TMEM259: variants seen among roughly 807,000 people sequenced by gnomAD.
TMEM259 encodes transmembrane protein 259, also known as membralin.
In TMEM259, 26 loss-of-function variants were observed where a neutral mutation model predicts 46.7. The ratio of observed to expected loss-of-function variants is 0.56; its 90% CI spans 0.41 to 0.77. The LOEUF is 0.77. Among genes scored for constraint, TMEM259 ranks in the 30% least tolerant of loss-of-function variants. The pLI is 0.00. For synonymous variants in TMEM259, 494 were observed against 395.1 expected (o/e 1.25, Z -2.97); for missense variants, 930 against 900.5 (o/e 1.03, Z -0.42).
rs1483004447 is a variant in TMEM259, at chr19:1,019,842, G to C, written c.225+930C>G. On this transcript the variant is annotated intron_variant, in intron 1 of 10. Transcript: ENST00000356663. ...ACGAAAACGGCCACGTCCCCATTTC[G>C]CCAGGTGGCCCAGGACCCCGGCCAG... Among the ~76,000 whole-genome samples the C allele has an allele frequency of 3.9e-5, 6 of 152,154 alleles. 1 individual carries two copies. Among genetic ancestry groups the C allele is most frequent in the Non-Finnish European group, 8.8e-5 (6 of 68,024 alleles).
At chr19:1,017,313 T>TG in intron 1 of TMEM259, 1 of 399,544 alleles carries the variant, frequency 2.5e-6, no homozygotes, top group Non-Finnish European at 4.4e-6. Flanking sequence ...GGCCACCCTC[T>TG]GCCCGCAACC....
rs1459554997 is a variant in TMEM259 at position 1,010,910 on chromosome 19, G to A, written c.1318-15C>T. 4.4e-6 allele frequency: 7 copies of A among 1,582,092 alleles called. No homozygotes were observed. The highest frequency in any genetic ancestry group is 1.1e-5 in the South Asian group (1 of 89,320). On this transcript the variant is annotated splice_polypyrimidine_tract_variant and intron_variant, in intron 10 of 10. Transcript: ENST00000356663. ...ATCATGGAATGCTGCGGGAGGGAGA[G>A]TGGGAGTCAGGACGGGCCCGCCCCT...
In TMEM259 at chr19:1,011,163, G is replaced by C. The variant is rs1172545010; in HGVS notation, c.1250C>G (p.Ala417Gly). 6.2e-7 allele frequency: 1 copy of C among 1,604,076 alleles called. No homozygotes were observed. Among genetic ancestry groups the C allele is most frequent in the Non-Finnish European group, 8.5e-7 (1 of 1,175,064 alleles). Residue 417 changes from alanine (A) to glycine (G), a missense_variant, in exon 10 of 11, where the codon GCC (alanine) becomes GGC (glycine). By Grantham distance (60) the Ala-to-Gly change is moderately conservative. Coordinates refer to ENST00000356663, the MANE Select transcript of TMEM259 (RefSeq NM_001033026.2). The stretch of plus-strand genomic sequence containing the variant: ...CTGCCCATTGAAGCGGTAGTGATAG[G>C]CATAGAAGGCGAAGTGGTAGAGATA... ...FFYLYHFAFY[A>G]YHYRFNGQYS... is the part of the protein sequence containing the mutation.
Position 1,010,153 on chromosome 19 carries a change from G to A in TMEM259, c.*197C>T. The A allele has an allele frequency of 1.8e-6, 1 of 549,662 alleles. No individual in the cohort carries two copies. Among genetic ancestry groups the A allele is most frequent in the Non-Finnish European group, 3.1e-6 (1 of 322,484 alleles). 34.0% of individuals were successfully genotyped at this position (549,662 alleles called of 1,614,324 possible). ...GCTGACCAGCTCAAACACCTCACTA[G>A]CGGGTACAAGCCTCGGGCGCGACCT... is the stretch of plus-strand genomic sequence containing the variant. On this transcript the variant is annotated 3_prime_UTR_variant, in exon 11 of 11. Coordinates refer to ENST00000356663, the MANE Select transcript of TMEM259 (RefSeq NM_001033026.2).
chr19:1,010,806 T>G lies in TMEM259; in HGVS notation c.1407A>C (p.Pro469=), dbSNP rs767216885. Residue 469 remains proline (P), a synonymous_variant, in exon 11 of 11, where the codon CCA becomes CCC. Coordinates refer to ENST00000356663, the MANE Select transcript of TMEM259 (RefSeq NM_001033026.2). ...RIQEMLLQAP[P]LGPGTPTALP... ...GCGCCGTGGGGGTCCCGGGGCCCAGTGGCGGCGCCTGAAGCAGCATCTCCT... is the reference window on the plus strand; with the variant it reads ...GCGCCGTGGGGGTCCCGGGGCCCAGGGGCGGCGCCTGAAGCAGCATCTCCT... The G allele has an allele frequency of 1.9e-6, 3 of 1,576,404 alleles. No individual in the cohort carries two copies. Among genetic ancestry groups the G allele is most frequent in the South Asian group, 1.1e-5 (1 of 88,310 alleles).
In TMEM259 at chr19:1,020,889, G is replaced by C. The variant is rs1224232208; in HGVS notation, c.108C>G (p.Pro36=). The C allele has an allele frequency of 1.5e-6, 2 of 1,316,162 alleles. No individual in the cohort carries two copies. The highest frequency in any genetic ancestry group is 3.1e-5 in the African/African-American group (2 of 65,424). The allele number at this position is 1,316,162 out of a possible 1,614,324, so 81.5% of individuals were successfully genotyped here. A position where few individuals can be genotyped will look rare whatever the true frequency, so the allele number is the denominator to read the frequency against. Residue 36 remains proline (P), a synonymous_variant, in exon 1 of 11, where the codon CCC becomes CCG. Coordinates refer to ENST00000356663, the MANE Select transcript of TMEM259 (RefSeq NM_001033026.2). The surrounding 1 kb of genome is among the most constrained non-coding windows in gnomAD (Gnocchi z 4.0). ...AGAGCCGGTCGCGCACGTTGATGAGGGGGTTGGGGTTGAGATTGGGGGTGC... is the reference window on the plus strand; with the variant it reads ...AGAGCCGGTCGCGCACGTTGATGAGCGGGTTGGGGTTGAGATTGGGGGTGC... ...GPRTPNLNPN[P]LINVRDRLFH... is the part of the protein sequence containing the mutation.
chr19:1,013,251 C>A lies in TMEM259; in HGVS notation c.597G>T (p.Thr199=), dbSNP rs767816573. The change falls in exon 3 of 11, where the codon ACG becomes ACT. Residue 199 remains threonine (T), a synonymous_variant. Transcript: ENST00000356663. ...TGGTGGGTGGCCTACCTTTGGTGGGCGTCTCGGGGAAGGGGAACTCCTGGC... is the reference window on the plus strand; with the variant it reads ...TGGTGGGTGGCCTACCTTTGGTGGGAGTCTCGGGGAAGGGGAACTCCTGGC... ...NDSQEFPFPE[T]PTKVWPQDEY... 3.7e-6 allele frequency: 6 copies of A among 1,613,634 alleles called. No individual in the cohort carries two copies. Among genetic ancestry groups the A allele is most frequent in the Non-Finnish European group, 5.1e-6 (6 of 1,179,670 alleles).
Position 1,020,665 on chromosome 19 carries a change from T to A in TMEM259, c.225+107A>T. 1 of 768,862 alleles carries A rather than the reference T, an allele frequency of 1.3e-6. No homozygotes were observed. Among genetic ancestry groups the A allele is most frequent in the Non-Finnish European group, 1.8e-6 (1 of 557,550 alleles). 47.6% of individuals were successfully genotyped at this position (768,862 alleles called of 1,614,324 possible). A position where few individuals can be genotyped will look rare whatever the true frequency, so the allele number is the denominator to read the frequency against. Reference sequence around the variant, plus strand: ...CGGGTATAGGCCTCAGGGTGCAGGGTGGCGCTCGCTGTCCCCAGCGGGGCC... The same window carrying A: ...CGGGTATAGGCCTCAGGGTGCAGGGAGGCGCTCGCTGTCCCCAGCGGGGCC... On this transcript the variant is annotated intron_variant, in intron 1 of 10. Coordinates refer to ENST00000356663, the MANE Select transcript of TMEM259 (RefSeq NM_001033026.2). This position sits in a 1 kb window ranked among gnomAD's most constrained non-coding sequence, Gnocchi z 4.0.
rs1276180874 is a variant in TMEM259 at position 1,010,402 on chromosome 19, G to A, written c.1811C>T (p.Pro604Leu). The stretch of plus-strand genomic sequence containing the variant: ...CGTTGGGGCCATGGAGGCCGGGCTA[G>A]GCCCGCCTACCGCAGCCCCCAGGGG... ...TTPLGAAVGG[P>L]SPASMAPTEA... Residue 604 changes from proline to leucine, a missense_variant, in exon 11 of 11, where the codon CCT becomes CTT. Pro to Leu is a moderately conservative substitution (Grantham distance 98). Coordinates refer to ENST00000356663, the MANE Select transcript of TMEM259 (RefSeq NM_001033026.2). The A allele has an allele frequency of 2.6e-6, 4 of 1,518,482 alleles. No individual in the cohort carries two copies. In the South Asian group the frequency reaches 5.1e-5, roughly 19 times the overall value. 94.1% of individuals were successfully genotyped at this position (1,518,482 alleles called of 1,614,324 possible).
chr19:1,019,728 C>T (rs1395370936), intron 1 of TMEM259, among the ~76,000 whole-genome samples: 1 of 152,214 alleles, frequency 6.6e-6, no homozygotes, highest in African/African-American at 2.4e-5. Context: ...CCGCCAGCAT[C>T]GGACCCCTCT....
Position 1,012,527 on chromosome 19 carries a change from G to C in TMEM259, c.654C>G (p.Gly218=). 6.2e-7 allele frequency: 1 copy of C among 1,601,200 alleles called. No individual in the cohort carries two copies. Residue 218 remains glycine (G), a synonymous_variant, in exon 4 of 11, where the codon GGC becomes GGG. Coordinates refer to ENST00000356663, the MANE Select transcript of TMEM259 (RefSeq NM_001033026.2). ...GGGTGGCCTGCGACAGGCGAAGGAA[G>C]CCATACTCTAGTGAGTACTCCACGA... The part of the protein sequence containing the change: ...EYIVEYSLEY[G]FLRLSQATRQ...
Position 1,020,212 on chromosome 19 carries a change from C to CGGGGTCGGG in TMEM259, c.225+559_225+560insCCCGACCCC, listed in dbSNP as rs72436720. Among the ~76,000 whole-genome samples, 4 of 151,264 alleles carry CGGGGTCGGG rather than the reference C, an allele frequency of 2.6e-5. No individual in the cohort carries two copies. The highest frequency in any genetic ancestry group is 9.7e-5 in the African/African-American group (4 of 41,052). Reference sequence around the variant, plus strand: ...TCCCCTGAGGCTCAGGAGCGGGGAACGCAGCTGAAAGGCTACAAGGAGGGA... The same window carrying CGGGGTCGGG: ...TCCCCTGAGGCTCAGGAGCGGGGAACGGGGTCGGGGCAGCTGAAAGGCTACAAGGAGGGA... On this transcript the variant is annotated intron_variant, in intron 1 of 10. Transcript: ENST00000356663. The surrounding 1 kb of genome is among the most constrained non-coding windows in gnomAD (Gnocchi z 4.0).
chr19:1,016,329 C>T (rs1320531783), intron 1 of TMEM259, among the ~76,000 whole-genome samples: 1 of 152,234 alleles, frequency 6.6e-6, no homozygotes, highest in Non-Finnish European at 1.5e-5. Flanking sequence ...AGCGTTTCCC[C>T]ATATGGCATC....
intron 1 of TMEM259, chr19:1,017,350 T>G (rs879802621): frequency 7.5e-6 from 3 of 399,208 alleles, no homozygotes; most frequent in Non-Finnish European, 1.3e-5. Context: ...ATGCCCTGGG[T>G]GGTCCAGTCC....
chr19:1,012,041 C>A, intron 5 of TMEM259, 25 bp downstream of exon 5: 3 of 1,611,988 alleles, frequency 1.9e-6, no homozygotes, highest in Non-Finnish European at 2.5e-6. Context: ...CGCCCTCGCA[C>A]CCTCGGCCCC....
chr19:1,019,064 G>A (rs2039201647), intron 1 of TMEM259, among the ~76,000 whole-genome samples: 1 of 152,004 alleles, frequency 6.6e-6, no homozygotes, highest in African/African-American at 2.4e-5. Flanking sequence ...AGGGATTGGG[G>A]TTACTGAGAA....
Position 1,010,244 on chromosome 19 carries a change from G to A in TMEM259, c.*106C>T, listed in dbSNP as rs534322397. The A allele has an allele frequency of 1.4e-5, 15 of 1,110,624 alleles. No homozygotes were observed. Among genetic ancestry groups the A allele is most frequent in the Non-Finnish European group, 1.7e-5 (14 of 826,782 alleles). The allele number at this position is 1,110,624 out of a possible 1,614,324, so 68.8% of individuals were successfully genotyped here. On this transcript the variant is annotated 3_prime_UTR_variant, in exon 11 of 11. Transcript: ENST00000356663. ...CGAAACCCTGAAAGCCCCCGACACA[G>A]GCTGGGCAGTCCCAGAGGAAGGAGG...
chr19:1,017,896 G>T (rs2039163018), intron 1 of TMEM259, among the ~76,000 whole-genome samples: 1 of 152,160 alleles, frequency 6.6e-6, no homozygotes, highest in Non-Finnish European at 1.5e-5. Context: ...CTGCCTCCAG[G>T]CCACCGGGGC....
chr19:1,010,340 G>T lies in TMEM259; in HGVS notation c.*10C>A. 2 of 1,471,518 alleles carry T rather than the reference G, an allele frequency of 1.4e-6. No homozygotes were observed. Among genetic ancestry groups the T allele is most frequent in the South Asian group, 1.4e-5 (1 of 73,556 alleles). 91.2% of individuals were successfully genotyped at this position (1,471,518 alleles called of 1,614,324 possible). A position where few individuals can be genotyped will look rare whatever the true frequency, so the allele number is the denominator to read the frequency against. The stretch of plus-strand genomic sequence containing the variant: ...GCCAGCAGGGGTCAGAGGCGGCTCA[G>T]CTGTGCGGCTCAGGACCCCACCTCC... On this transcript the variant is annotated 3_prime_UTR_variant, in exon 11 of 11. Coordinates refer to ENST00000356663, the MANE Select transcript of TMEM259 (RefSeq NM_001033026.2).
Sources: allele counts gnomAD v4.1 joint callset (sites outside exome capture counted in the v4.1 genomes callset), GRCh38; gene constraint gnomAD v4.1.1; non-coding constraint Gnocchi (gnomAD v3.1); transcripts MANE v1.5; gene names NCBI Gene and HGNC (gene_info 2026-07-23, HGNC 2026-07-21).